The following SCLY variants were observed in gnomAD, a reference collection of about 807,000 sequenced individuals.
SCLY encodes the protein selenocysteine lyase, also known as putative selenocysteine lyase.
A neutral mutation model predicts 50.1 loss-of-function variants in SCLY; 38 were observed. The observed-to-expected ratio is 0.76, with a 90% CI of 0.59 to 0.99. SCLY has a LOEUF of 0.99. SCLY is among the 50% of genes least tolerant of loss of function. SCLY has a pLI of 0.00. For synonymous variants in SCLY, 243 were observed against 249.4 expected, an observed-to-expected ratio of 0.97 and a Z score of 0.24; for missense variants, 600 against 620.0, an observed-to-expected ratio of 0.97 and a Z score of 0.34.
At chr2:238,095,312 T>G (rs966148990) in intron 10 of SCLY, among the ~76,000 whole-genome samples, 11 of 152,204 alleles carry the variant, frequency 7.2e-5, no homozygotes, top group Admixed American at 5.9e-4. Context: ...CCGTCCCAGA[T>G]GCACCTAAAA....
At chr2:238,097,572 C>G (rs1347142527) in intron 11 of SCLY, among the ~76,000 whole-genome samples, 1 of 151,972 alleles carries the variant, frequency 6.6e-6, no homozygotes, top group Non-Finnish European at 1.5e-5. Context: ...TGGAGCGAGA[C>G]AGTGGTGGGC....
At chr2:238,082,299 C>T (rs773704631) in intron 6 of SCLY, 90 bp downstream of exon 6, 169 of 1,328,536 alleles carry the variant, frequency 1.3e-4, no homozygotes, top group East Asian at 2.8e-4. Flanking sequence ...CACTGCCCAC[C>T]GTGAGCCAGG....
At chr2:238,085,555 GAA>G (rs891131209) in intron 7 of SCLY, among the ~76,000 whole-genome samples, 1 of 143,972 alleles carries the variant, frequency 6.9e-6, no homozygotes, top group Non-Finnish European at 1.5e-5. Context: ...CATCTCTACT[GAA>G]AAAAAAAAAT....
chr2:238,099,399 G>A lies in SCLY; in HGVS notation c.*1044G>A, dbSNP rs1236512277. 4.4e-6 allele frequency: 2 copies of A among 459,138 alleles called. No individual in the cohort carries two copies. The highest frequency in any genetic ancestry group is 4.8e-5 in the Admixed American group (2 of 41,530). 28.4% of individuals were successfully genotyped at this position (459,138 alleles called of 1,614,324 possible). A position where few individuals can be genotyped will look rare whatever the true frequency, so the allele number is the denominator to read the frequency against. On this transcript the variant is annotated 3_prime_UTR_variant, in exon 12 of 12. Coordinates refer to ENST00000254663, the MANE Select transcript of SCLY (RefSeq NM_016510.7). ...CCAGAAACTAAATTAACGAATAAAA[G>A]ATTTCAGTGCCCGACTTGGGGATCC...
At chr2:238,097,247 C>T (rs1344644042) in intron 11 of SCLY, among the ~76,000 whole-genome samples, 1 of 152,112 alleles carries the variant, frequency 6.6e-6, no homozygotes, top group Non-Finnish European at 1.5e-5. Context: ...GCCCTGAGGG[C>T]CATGGTGTGA....
chr2:238,074,317 A>AG (rs1231935708), intron 4 of SCLY, among the ~76,000 whole-genome samples: 2 of 151,984 alleles, frequency 1.3e-5, no homozygotes, highest in East Asian at 3.9e-4. Context: ...AAAAAAAAAA[A>AG]AAGTTTTTGG....
chr2:238,083,315 T>C lies in SCLY; in HGVS notation c.845T>C (p.Met282Thr), dbSNP rs1368671964. Residue 282 changes from methionine to threonine, a missense_variant, in exon 7 of 12, where the codon ATG becomes ACG. Met to Thr is a moderately conservative substitution (Grantham distance 81). Transcript: ENST00000254663. The surrounding 1 kb of genome is among the most constrained non-coding windows in gnomAD (Gnocchi z 4.3). The part of the protein sequence containing the change: ...GLGEFTPLYP[M>T]LFGGGQERNF... ...GGTGAATTTACCCCTCTCTACCCTATGCTATTTGGAGGTGGACAAGAACGG... is the reference window on the plus strand; with the variant it reads ...GGTGAATTTACCCCTCTCTACCCTACGCTATTTGGAGGTGGACAAGAACGG... The C allele has an allele frequency of 6.8e-6, 11 of 1,613,814 alleles. No individual in the cohort carries two copies. Among genetic ancestry groups the C allele is most frequent in the South Asian group, 2.2e-5 (2 of 91,084 alleles).
chr2:238,062,566 C>T (rs2065028244), intron 1 of SCLY, among the ~76,000 whole-genome samples: 1 of 152,164 alleles, frequency 6.6e-6, no homozygotes. Context: ...CGTGCCACCA[C>T]GTCCAGCTAA....
chr2:238,080,880 G>C (rs1469861928), intron 4 of SCLY: 1 of 152,282 alleles, frequency 6.6e-6, no homozygotes, highest in Non-Finnish European at 1.5e-5. Flanking sequence ...GCCTTTAAGT[G>C]TTCTTTTCCC....
intron 7 of SCLY, among the ~76,000 whole-genome samples, chr2:238,085,583 C>T (rs868454734): frequency 5.3e-5 from 8 of 151,720 alleles, no homozygotes; most frequent in African/African-American, 1.7e-4. Context: ...AAAAATTAGC[C>T]GGGCTTGGTG....
At chr2:238,086,036 G>A (rs1385351512) in intron 7 of SCLY, among the ~76,000 whole-genome samples, 6 of 152,296 alleles carry the variant, frequency 3.9e-5, no homozygotes, top group African/African-American at 9.6e-5. Context: ...TCACCAGTAT[G>A]GGAAAAAGAA....
chr2:238,095,269 A>G (rs1050856072), intron 10 of SCLY, among the ~76,000 whole-genome samples: 1 of 152,186 alleles, frequency 6.6e-6, no homozygotes, highest in African/African-American at 2.4e-5. Flanking sequence ...TTCCTGCAAC[A>G]TCTGCCTCGG....
intron 4 of SCLY, among the ~76,000 whole-genome samples, chr2:238,078,016 C>T (rs879389483): frequency 5.3e-5 from 8 of 151,106 alleles, no homozygotes; most frequent in African/African-American, 7.3e-5. Context: ...TGCAGTGGCA[C>T]GATCTTGGCT....
intron 7 of SCLY, among the ~76,000 whole-genome samples, chr2:238,086,040 A>G (rs1325769110): frequency 2.0e-5 from 3 of 152,240 alleles, no homozygotes; most frequent in Non-Finnish European, 2.9e-5. Context: ...CAGTATGGGA[A>G]AAAGAATTTG....
chr2:238,080,046 G>C (rs2065218960), intron 4 of SCLY: 1 of 152,072 alleles, frequency 6.6e-6, no homozygotes, highest in Admixed American at 6.5e-5. Context: ...TGTATTTTCT[G>C]CCAGTTCCAA....
chr2:238,063,292 G>A (rs2065036295), intron 1 of SCLY, among the ~76,000 whole-genome samples: 1 of 146,884 alleles, frequency 6.8e-6, no homozygotes, highest in African/African-American at 2.5e-5. Context: ...TCACTCTGTT[G>A]CCCAGGCTAG....
chr2:238,063,158 T>C (rs2106434047), intron 1 of SCLY, among the ~76,000 whole-genome samples: 1 of 152,188 alleles, frequency 6.6e-6, no homozygotes, highest in South Asian at 2.1e-4. Context: ...TGTCAGATGA[T>C]GATGCTGCCC....
chr2:238,079,068 C>CTTTTT (rs59238768), intron 4 of SCLY: 4 of 93,186 alleles, frequency 4.3e-5, no homozygotes, highest in Admixed American at 1.5e-4. Context: ...CTTTCTTTTT[C>CTTTTT]TTTTTTTTTT....
chr2:238,095,464 G>T (rs1184866405), intron 10 of SCLY: 1 of 152,202 alleles, frequency 6.6e-6, no homozygotes, highest in Non-Finnish European at 1.5e-5. Context: ...AGATGAAAGT[G>T]TTGCTTCTTT....
Sources: gnomAD v4.1 joint callset for allele counts (sites outside exome capture counted in the v4.1 genomes callset) on GRCh38, gnomAD v4.1.1 for gene constraint, Gnocchi (gnomAD v3.1) non-coding constraint, MANE v1.5 for transcripts, NCBI Gene and HGNC (gene_info 2026-07-23, HGNC 2026-07-21) for gene names.